ELK4: variants seen among roughly 807,000 people sequenced by gnomAD.
ELK4 encodes the protein ETS domain-containing protein Elk-4.
In ELK4, 16 loss-of-function variants were observed where a neutral mutation model predicts 29.6. The observed-to-expected ratio is 0.54, with a 90% CI of 0.37 to 0.82. The LOEUF is 0.82. Among genes scored for constraint, ELK4 ranks in the 40% least tolerant of loss-of-function variants. The pLI is 0.00. For missense variants in ELK4, 465 were observed against 507.1 expected (o/e 0.92, Z 0.80); for synonymous variants, 213 against 191.1 (o/e 1.11, Z -0.95).
intron 3 of ELK4, 173 bp from the exon 4 acceptor site, chr1:205,619,246 G>T: frequency 9.4e-7 from 1 of 1,064,392 alleles, no homozygotes; most frequent in Non-Finnish European, 1.2e-6. Context: ...AAACTAAGAG[G>T]GATAAAGGTG....
intron 1 of ELK4, chr1:205,626,164 CCT>C: frequency 1.5e-6 from 1 of 646,752 alleles, no homozygotes; most frequent in South Asian, 1.4e-5. Flanking sequence ...TGCTGCTACC[CCT>C]GAGCTGGAAG....
At chr1:205,629,954 A>G (rs1215581335) in intron 1 of ELK4, among the ~76,000 whole-genome samples, 1 of 151,204 alleles carries the variant, frequency 6.6e-6, no homozygotes, top group Non-Finnish European at 1.5e-5. Flanking sequence ...AGGTGGGAGA[A>G]TGGCCGGGAG....
rs746810708 is a variant in ELK4 at position 205,619,113 on chromosome 1, C to A, written c.1081-40G>T. On this transcript the variant is annotated intron_variant, in intron 3 of 4. Transcript: ENST00000357992. ...GCAAAAATATTCACTGACTGACTTA[C>A]CAGGATGTTTTATCCTTGAAACAGC... is the stretch of plus-strand genomic sequence containing the variant. 4.1e-6 allele frequency: 6 copies of A among 1,457,800 alleles called. No homozygotes were observed. The South Asian group carries it at 8.2e-5, about 20-fold the overall frequency. 90.3% of individuals were successfully genotyped at this position (1,457,800 alleles called of 1,614,324 possible).
intron 2 of ELK4, among the ~76,000 whole-genome samples, chr1:205,621,419 C>T (rs1451265901): frequency 6.6e-6 from 1 of 152,186 alleles, no homozygotes; most frequent in African/African-American, 2.4e-5. Context: ...TTGCTTACCA[C>T]TCTCAACCAA....
Position 205,614,902 on chromosome 1 carries a change from A to C in ELK4, c.*1644T>G, listed in dbSNP as rs988567673. Reference sequence around the variant, plus strand: ...AACATATAATTTAATCCTGGACTTTAATTTTCAAAAGACTCCACTGTGATA... The same window carrying C: ...AACATATAATTTAATCCTGGACTTTCATTTTCAAAAGACTCCACTGTGATA... On this transcript the variant is annotated 3_prime_UTR_variant, in exon 5 of 5. Coordinates refer to ENST00000357992, the MANE Select transcript of ELK4 (RefSeq NM_001973.4). 39 of 220,408 alleles carry C rather than the reference A, an allele frequency of 1.8e-4. 1 individual carries two copies. Among genetic ancestry groups the C allele is most frequent in the African/African-American group, 8.8e-4 (39 of 44,550 alleles). 13.7% of individuals were successfully genotyped at this position (220,408 alleles called of 1,614,324 possible). A position where few individuals can be genotyped will look rare whatever the true frequency, so the allele number is the denominator to read the frequency against.
Position 205,609,672 on chromosome 1 carries a change from T to C in ELK4, c.*6874A>G, listed in dbSNP as rs1356222943. 4.8e-6 allele frequency: 1 copy of C among 206,386 alleles called. No homozygotes were observed. The highest frequency in any genetic ancestry group is 7.4e-5 in the East Asian group (1 of 13,584). The allele number at this position is 206,386 out of a possible 1,614,324, so 12.8% of individuals were successfully genotyped here. Reference sequence around the variant, plus strand: ...AAAACAATGAAATGTCAGGATTGTGTCCCCTACACAATAGACAATAAGCAA... The same window carrying C: ...AAAACAATGAAATGTCAGGATTGTGCCCCCTACACAATAGACAATAAGCAA... On this transcript the variant is annotated 3_prime_UTR_variant, in exon 5 of 5. Coordinates refer to ENST00000357992, the MANE Select transcript of ELK4 (RefSeq NM_001973.4).
chr1:205,631,486 G>C (rs558152891), intron 1 of ELK4, 146 bp downstream of exon 1: 1 of 149,200 alleles, frequency 6.7e-6, no homozygotes, highest in Non-Finnish European at 1.5e-5. Flanking sequence ...GGCCGGGGGC[G>C]GACCCAAGGG....
In ELK4 at chr1:205,625,593, C is replaced by T. The variant is rs1247327239; in HGVS notation, c.-9-1702G>A. The T allele has an allele frequency of 4.0e-6, 5 of 1,238,412 alleles. No individual in the cohort carries two copies. In the East Asian group the frequency reaches 1.2e-4, roughly 29 times the overall value. The allele number at this position is 1,238,412 out of a possible 1,614,324, so 76.7% of individuals were successfully genotyped here. On this transcript the variant is annotated intron_variant, in intron 1 of 4. Transcript: ENST00000357992. The stretch of plus-strand genomic sequence containing the variant: ...GGTGCCGGTGATAGTAGAAAAGGCT[C>T]CCAAAGCTCGGATAGGAGACCTGGA...
rs1045410507 is a variant in ELK4, at chr1:205,608,837, T to C, written c.*7709A>G. 2 of 196,960 alleles carry C rather than the reference T, an allele frequency of 1.0e-5. No individual in the cohort carries two copies. Among genetic ancestry groups the C allele is most frequent in the African/African-American group, 4.6e-5 (2 of 43,382 alleles). 12.2% of individuals were successfully genotyped at this position (196,960 alleles called of 1,614,324 possible). A position where few individuals can be genotyped will look rare whatever the true frequency, so the allele number is the denominator to read the frequency against. ...GCTGACAGGTTTGAAGAAAGCACTC[T>C]TGACATGTTCTTACTACCACATATC... On this transcript the variant is annotated 3_prime_UTR_variant, in exon 5 of 5. Coordinates refer to ENST00000357992, the MANE Select transcript of ELK4 (RefSeq NM_001973.4).
At position 205,614,145 on chromosome 1, in the gene ELK4, T is replaced by C. The variant is rs1043759347; in HGVS notation, c.*2401A>G. ...ACAGCCTCACACCTCTGAGAGGCTA[T>C]AGATTTATGCAAAAAGGACTCACTA... On this transcript the variant is annotated 3_prime_UTR_variant, in exon 5 of 5. Transcript: ENST00000357992. 4.5e-5 allele frequency: 10 copies of C among 221,562 alleles called. No individual in the cohort carries two copies. Among genetic ancestry groups the C allele is most frequent in the African/African-American group, 8.9e-5 (4 of 44,696 alleles). The allele number at this position is 221,562 out of a possible 1,614,324, so 13.7% of individuals were successfully genotyped here.
chr1:205,609,784 G>A lies in ELK4; in HGVS notation c.*6762C>T, dbSNP rs900575684. On this transcript the variant is annotated 3_prime_UTR_variant, in exon 5 of 5. Transcript: ENST00000357992. Reference sequence around the variant, plus strand: ...CAATTGCAAATTATTTTTAAAAATCGTAAATTTCTACAAAGCACAATATTA... The same window carrying A: ...CAATTGCAAATTATTTTTAAAAATCATAAATTTCTACAAAGCACAATATTA... The A allele has an allele frequency of 3.3e-5, 7 of 211,052 alleles. No individual in the cohort carries two copies. The highest frequency in any genetic ancestry group is 4.5e-5 in the African/African-American group (2 of 44,136). The allele number at this position is 211,052 out of a possible 1,614,324, so 13.1% of individuals were successfully genotyped here.
intron 1 of ELK4, among the ~76,000 whole-genome samples, chr1:205,624,276 T>C (rs113856390): frequency 6.6e-4 from 101 of 152,346 alleles, no homozygotes; most frequent in Non-Finnish European, 9.7e-4. Context: ...ATCACTGTTG[T>C]TAAATTTGAA....
In ELK4 at chr1:205,623,885, C is replaced by A. The variant is rs1168888957; in HGVS notation, c.-3G>T. The A allele has an allele frequency of 3.1e-6, 5 of 1,613,848 alleles. No individual in the cohort carries two copies. Among genetic ancestry groups the A allele is most frequent in the Admixed American group, 3.3e-5 (2 of 60,004 alleles). On this transcript the variant is annotated 5_prime_UTR_variant, in exon 2 of 5. Transcript: ENST00000357992. ...CACAGGGTGATAGCACTGTCCATAGCAATGAGCTGAAAGAATATAGATAAG... is the reference window on the plus strand; with the variant it reads ...CACAGGGTGATAGCACTGTCCATAGAAATGAGCTGAAAGAATATAGATAAG...
At chr1:205,622,250 T>A (rs115702342) in intron 2 of ELK4, among the ~76,000 whole-genome samples, 2,257 of 152,152 alleles carry the variant, frequency 0.015, 55 homozygotes, top group African/African-American at 0.051. Context: ...GAAATTAAGA[T>A]CTCAGCAATT....
intron 2 of ELK4, among the ~76,000 whole-genome samples, chr1:205,621,482 G>A (rs968752312): frequency 1.3e-5 from 2 of 152,010 alleles, no homozygotes; most frequent in Admixed American, 1.3e-4. Flanking sequence ...AATTCCAAAG[G>A]TATAAGCCAT....
chr1:205,616,660 A>C lies in ELK4; in HGVS notation c.1198-16T>G. ...CAGAAGGAAACTGAGAAAGAAAACA[A>C]AACACATTATCATCCTATTACTCAA... On this transcript the variant is annotated splice_polypyrimidine_tract_variant and intron_variant, in intron 4 of 4. Transcript: ENST00000357992. 1 of 1,607,432 alleles carries C rather than the reference A, an allele frequency of 6.2e-7. No homozygotes were observed. The highest frequency in any genetic ancestry group is 8.5e-7 in the Non-Finnish European group (1 of 1,174,240).
In ELK4 at chr1:205,608,569, G is replaced by GA. The variant is rs567417427; in HGVS notation, c.*7976dup. On this transcript the variant is annotated 3_prime_UTR_variant, in exon 5 of 5. Transcript: ENST00000357992. The stretch of plus-strand genomic sequence containing the variant: ...ATTTTAATTGCTTTTTTAGGAAAAA[G>GA]AAAAAAAAAAGGTGCTTTTAATACT... 561 of 174,706 alleles carry GA rather than the reference G, an allele frequency of 3.2e-3. No homozygotes were observed. The highest frequency in any genetic ancestry group is 0.018 in the Middle Eastern group (8 of 456). 10.8% of individuals were successfully genotyped at this position (174,706 alleles called of 1,614,324 possible). A position where few individuals can be genotyped will look rare whatever the true frequency, so the allele number is the denominator to read the frequency against.
rs973459212 is a variant in ELK4 at position 205,612,782 on chromosome 1, A to G, written c.*3764T>C. ...GTGATACTATCAACAGCCTGGAGTT[A>G]CAGCTCCAGAATTCCAAACCTCTGA... On this transcript the variant is annotated 3_prime_UTR_variant, in exon 5 of 5. Coordinates refer to ENST00000357992, the MANE Select transcript of ELK4 (RefSeq NM_001973.4). 4.8e-6 allele frequency: 1 copy of G among 209,044 alleles called. No individual in the cohort carries two copies. Among genetic ancestry groups the G allele is most frequent in the African/African-American group, 2.3e-5 (1 of 44,016 alleles). The allele number at this position is 209,044 out of a possible 1,614,324, so 12.9% of individuals were successfully genotyped here. A position where few individuals can be genotyped will look rare whatever the true frequency, so the allele number is the denominator to read the frequency against.
At chr1:205,623,981 TG>T in intron 1 of ELK4, 90 bp from the exon 2 acceptor site, 1 of 1,179,488 alleles carries the variant, frequency 8.5e-7, no homozygotes, top group Non-Finnish European at 1.2e-6. Flanking sequence ...GTGCTCTAAA[TG>T]TATTAATTCA....
Sources: gnomAD v4.1 joint callset for allele counts (sites outside exome capture counted in the v4.1 genomes callset) on GRCh38, gnomAD v4.1.1 for gene constraint, MANE v1.5 for transcripts, NCBI Gene and HGNC (gene_info 2026-07-23, HGNC 2026-07-21) for gene names.